The following KIAA0825 variants were observed in gnomAD, a reference collection of about 807,000 sequenced individuals.
KIAA0825 encodes KIAA0825.
KIAA0825 carries 119 observed loss-of-function variants against 147.6 expected under a neutral mutation model. The ratio of observed to expected loss-of-function variants is 0.81; its 90% CI spans 0.69 to 0.94. The LOEUF is 0.94. Among genes scored for constraint, KIAA0825 ranks in the 40% least tolerant of loss-of-function variants. The probability of loss-of-function intolerance (pLI) is 0.00; values close to 1 mark genes in which losing one functional copy is unlikely to be tolerated. For synonymous variants in KIAA0825, 470 were observed against 518.1 expected (o/e 0.91, Z 1.26); for missense variants, 1,381 against 1,472.7 (o/e 0.94, Z 1.02).
At chr5:94,175,910 A>G (rs1769049921) in intron 20 of KIAA0825, among the ~76,000 whole-genome samples, 1 of 152,192 alleles carries the variant, frequency 6.6e-6, no homozygotes. Context: ...TAATTCATTT[A>G]TAAGCAGTTG....
At chr5:94,432,726 CT>C (rs1326767115) in intron 14 of KIAA0825, among the ~76,000 whole-genome samples, 2 of 152,094 alleles carry the variant, frequency 1.3e-5, no homozygotes, top group African/African-American at 4.8e-5. Context: ...TTAAATTGCA[CT>C]TTGGTCACAC....
intron 5 of KIAA0825, chr5:94,519,105 C>T (rs1767703956): frequency 1.8e-6 from 1 of 555,796 alleles, no homozygotes; most frequent in Non-Finnish European, 2.3e-6. Context: ...TTTGCCATAA[C>T]CGAATTTGGC....
At position 94,313,839 on chromosome 5, in the gene KIAA0825, G is replaced by A. The variant is rs1026031883; in HGVS notation, c.3710+70529C>T. On this transcript the variant is annotated intron_variant, in intron 20 of 20. Transcript: ENST00000682413. ...CAGCCTAGCTGGACCTTTACCTTAC[G>A]GCTGCCCCACATTTATTGTTCTTTC... Among the ~76,000 whole-genome samples the A allele has an allele frequency of 1.8e-4, 28 of 151,394 alleles. 1 individual carries two copies. Among genetic ancestry groups the A allele is most frequent in the Admixed American group, 1.3e-3 (20 of 15,124 alleles).
intron 20 of KIAA0825, among the ~76,000 whole-genome samples, chr5:94,217,775 A>G (rs1044722202): frequency 1.3e-5 from 2 of 152,196 alleles, no homozygotes; most frequent in Non-Finnish European, 2.9e-5. Flanking sequence ...TGAGAACATA[A>G]GAACTATTTG....
intron 20 of KIAA0825, among the ~76,000 whole-genome samples, chr5:94,165,559 A>G (rs997159961): frequency 6.6e-6 from 1 of 152,238 alleles, no homozygotes; most frequent in African/African-American, 2.4e-5. Flanking sequence ...CTATACTCCT[A>G]TGTTCATTGC....
chr5:94,526,736 A>G (rs1022056744), intron 3 of KIAA0825, among the ~76,000 whole-genome samples: 2 of 152,026 alleles, frequency 1.3e-5, no homozygotes, highest in Non-Finnish European at 1.5e-5. Flanking sequence ...ACATTAGCTG[A>G]ATGTTAAATA....
At chr5:94,572,286 T>G (rs1035869511) in intron 2 of KIAA0825, among the ~76,000 whole-genome samples, 1 of 152,240 alleles carries the variant, frequency 6.6e-6, no homozygotes, top group Non-Finnish European at 1.5e-5. Flanking sequence ...GAGTTAGCTG[T>G]ACCTAACTGC....
At chr5:94,309,535 G>C (rs983343135) in intron 20 of KIAA0825, among the ~76,000 whole-genome samples, 1 of 151,728 alleles carries the variant, frequency 6.6e-6, no homozygotes. Flanking sequence ...TCAGTGCTAT[G>C]CTGTTCAGGA....
intron 20 of KIAA0825, among the ~76,000 whole-genome samples, chr5:94,288,132 A>G (rs563881741): frequency 3.3e-5 from 5 of 152,264 alleles, no homozygotes; most frequent in Admixed American, 2.6e-4. Flanking sequence ...AAAGTTTTTG[A>G]GAGGAGGTAA....
chr5:94,479,840 T>G (rs551082308), intron 6 of KIAA0825, among the ~76,000 whole-genome samples: 94 of 152,286 alleles, frequency 6.2e-4, no homozygotes, highest in African/African-American at 2.1e-3. Context: ...AATGACATGA[T>G]GTTGAGCATC....
At chr5:94,579,739 G>C (rs1254932991) in intron 2 of KIAA0825, among the ~76,000 whole-genome samples, 1 of 152,128 alleles carries the variant, frequency 6.6e-6, no homozygotes, top group African/African-American at 2.4e-5. Context: ...TATTTGAATA[G>C]CTTCCTCTGA....
intron 20 of KIAA0825, among the ~76,000 whole-genome samples, chr5:94,265,664 G>A: frequency 6.6e-6 from 1 of 152,116 alleles, no homozygotes; most frequent in East Asian, 1.9e-4. Flanking sequence ...AGCTAGGTGT[G>A]GTGGCACATG....
chr5:94,424,331 C>A (rs930629855), intron 14 of KIAA0825, among the ~76,000 whole-genome samples: 9 of 151,844 alleles, frequency 5.9e-5, no homozygotes, highest in African/African-American at 2.2e-4. Flanking sequence ...AAAATCATAA[C>A]AAAGGAATAA....
Position 94,150,996 on chromosome 5 carries a change from T to A in KIAA0825, c.*3011A>T, listed in dbSNP as rs1167274210. ...GCAGAACACAGAAGGAAGATCATAC[T>A]TTATAGGAAGATAATATTTTTGTAA... On this transcript the variant is annotated 3_prime_UTR_variant, in exon 21 of 21. Coordinates refer to ENST00000682413, the MANE Select transcript of KIAA0825 (RefSeq NM_001145678.3). Among the ~76,000 whole-genome samples, 1 of 152,202 alleles carries A rather than the reference T, an allele frequency of 6.6e-6. No homozygotes were observed. The highest frequency in any genetic ancestry group is 1.5e-5 in the Non-Finnish European group (1 of 68,034).
At chr5:94,246,632 A>G (rs1372950269) in intron 20 of KIAA0825, among the ~76,000 whole-genome samples, 1 of 152,162 alleles carries the variant, frequency 6.6e-6, no homozygotes, top group Non-Finnish European at 1.5e-5. Context: ...CTTTGCCATT[A>G]TGGTGATCAC....
chr5:94,591,653 T>A (rs1205443567), intron 1 of KIAA0825, among the ~76,000 whole-genome samples: 1 of 152,234 alleles, frequency 6.6e-6, no homozygotes, highest in Non-Finnish European at 1.5e-5. Flanking sequence ...AGCGAAGGAC[T>A]ACTTGACTGA....
intron 20 of KIAA0825, among the ~76,000 whole-genome samples, chr5:94,338,858 A>C (rs896430539): frequency 6.6e-6 from 1 of 152,202 alleles, no homozygotes; most frequent in African/African-American, 2.4e-5. Context: ...CAATAGATTT[A>C]TTACATACTG....
intron 11 of KIAA0825, among the ~76,000 whole-genome samples, chr5:94,463,922 C>A (rs1760143891): frequency 6.6e-6 from 1 of 151,796 alleles, no homozygotes; most frequent in Non-Finnish European, 1.5e-5. Flanking sequence ...CTTCAGAGTT[C>A]AGTTTTTTAA....
intron 2 of KIAA0825, among the ~76,000 whole-genome samples, chr5:94,542,802 C>T (rs1257174770): frequency 2.0e-5 from 3 of 151,502 alleles, no homozygotes; most frequent in Non-Finnish European, 2.9e-5. Context: ...GCGAGATTCC[C>T]TCTCAAAAAA....
Sources: gnomAD v4.1 joint callset for allele counts (sites outside exome capture counted in the v4.1 genomes callset) on GRCh38, gnomAD v4.1.1 for gene constraint, MANE v1.5 for transcripts, NCBI Gene and HGNC (gene_info 2026-07-23, HGNC 2026-07-21) for gene names.